Variants in ATR observed in about 807,000 individuals in gnomAD.
ATR encodes the protein serine/threonine-protein kinase ATR.
A neutral mutation model predicts 305.3 loss-of-function variants in ATR; 142 were observed. The ratio of observed to expected loss-of-function variants is 0.47; its 90% confidence interval spans 0.41 to 0.53. The LOEUF (loss-of-function observed/expected upper bound fraction) is 0.53, where lower values mean the gene tolerates loss of function less well. ATR is among the 20% of genes least tolerant of loss of function. The pLI, the probability that ATR is intolerant of heterozygous loss-of-function variation, is 0.00. For synonymous variants in ATR, 1,050 were observed against 1,068.1 expected (o/e 0.98, Z 0.33); for missense variants, 2,135 against 3,133.1 (o/e 0.68, Z 7.60).
At chr3:142,502,259 T>C (rs918659345) in intron 30 of ATR, among the ~76,000 whole-genome samples, 2 of 152,136 alleles carry the variant, frequency 1.3e-5, no homozygotes, top group Non-Finnish European at 2.9e-5. Flanking sequence ...AAAAGATACA[T>C]ACACTCGTAT....
At chr3:142,551,163 G>A (rs576462615) in intron 13 of ATR, among the ~76,000 whole-genome samples, 59 of 152,300 alleles carry the variant, frequency 3.9e-4, no homozygotes, top group African/African-American at 1.0e-3. Context: ...AGTAATCCCA[G>A]CACTTTCAGA....
intron 36 of ATR, among the ~76,000 whole-genome samples, chr3:142,483,113 C>T (rs2030647349): frequency 6.6e-6 from 1 of 151,290 alleles, no homozygotes; most frequent in African/African-American, 2.4e-5. Context: ...TCAGGTAATC[C>T]TCCCACCTCA....
Position 142,511,655 on chromosome 3 carries a change from C to CA in ATR, c.4852+604dup, listed in dbSNP as rs200672584. The stretch of plus-strand genomic sequence containing the variant: ...TGGGCAACAGAGCAAGACTCCATCT[C>CA]AAAAAAAAATTAATAAATAAAAATA... On this transcript the variant is annotated intron_variant, in intron 27 of 46. Transcript: ENST00000350721. Among the ~76,000 whole-genome samples, 398 of 147,742 alleles carry CA rather than the reference C, an allele frequency of 2.7e-3. 4 individuals are homozygous for CA. The highest frequency in any genetic ancestry group is 9.2e-3 in the African/African-American group (370 of 40,152).
At chr3:142,575,235 G>A (rs1213228381) in intron 1 of ATR, among the ~76,000 whole-genome samples, 4 of 151,982 alleles carry the variant, frequency 2.6e-5, no homozygotes, top group African/African-American at 4.8e-5. Flanking sequence ...GGCTCATTCA[G>A]CCTTGGCATG....
intron 21 of ATR, among the ~76,000 whole-genome samples, chr3:142,526,606 G>A (rs539138508): frequency 9.2e-5 from 14 of 151,934 alleles, no homozygotes; most frequent in African/African-American, 3.4e-4. Flanking sequence ...GTTTTCTTGA[G>A]TGTTTTCATT....
At chr3:142,559,696 G>C (rs1431758845) in intron 6 of ATR, among the ~76,000 whole-genome samples, 1 of 152,244 alleles carries the variant, frequency 6.6e-6, no homozygotes, top group South Asian at 2.1e-4. Context: ...TTGAGCCCAG[G>C]AGTTTGAGAC....
chr3:142,528,100 T>C (rs766559715), intron 21 of ATR, among the ~76,000 whole-genome samples: 2 of 152,230 alleles, frequency 1.3e-5, no homozygotes, highest in Non-Finnish European at 2.9e-5. Flanking sequence ...TTGTAGTACT[T>C]TGTTATAGCA....
Position 142,553,866 on chromosome 3 carries a change from T to A in ATR, c.2491A>T (p.Ile831Leu). The part of the protein sequence containing the change: ...RVAFSGNIKH[I>L]LESLDSEDGF... The stretch of plus-strand genomic sequence containing the variant: ...TCTTCAGAGTCCAAGGATTCCAATA[T>A]GTGCTTGATATTTCCACTAAAAGCC... Residue 831 changes from isoleucine to leucine, a missense_variant, in exon 11 of 47, where the codon ATA becomes TTA. Ile to Leu is a conservative substitution (Grantham distance 5). Around this residue, in one of 9 missense-constraint regions of ATR, gnomAD observed 530 missense variants for 766.8 expected, o/e 0.69. Coordinates refer to ENST00000350721, the MANE Select transcript of ATR (RefSeq NM_001184.4). The A allele has an allele frequency of 6.2e-7, 1 of 1,613,674 alleles. No individual in the cohort carries two copies. Among genetic ancestry groups the A allele is most frequent in the Non-Finnish European group, 8.5e-7 (1 of 1,179,768 alleles).
At chr3:142,558,909 T>C (rs1206044674) in intron 7 of ATR, 133 bp from the exon 8 acceptor site, 4 of 937,614 alleles carry the variant, frequency 4.3e-6, no homozygotes, top group Non-Finnish European at 6.4e-6. Context: ...CAGAGATCTA[T>C]AAACGATGGT....
chr3:142,542,852 C>G, intron 16 of ATR, 95 bp from the exon 17 acceptor site: 10 of 1,035,446 alleles, frequency 9.7e-6, no homozygotes, highest in African/African-American at 3.2e-5. Flanking sequence ...TTATATTTTA[C>G]CTAACTAGAT....
intron 36 of ATR, among the ~76,000 whole-genome samples, chr3:142,483,748 C>T (rs567100670): frequency 6.6e-6 from 1 of 152,062 alleles, no homozygotes; most frequent in Admixed American, 6.6e-5. Context: ...GAGCCAGAGT[C>T]GCTTGAACCT....
intron 28 of ATR, among the ~76,000 whole-genome samples, chr3:142,506,374 T>C (rs977073693): frequency 1.3e-5 from 2 of 152,102 alleles, no homozygotes; most frequent in Non-Finnish European, 2.9e-5. Context: ...AGATTGAATT[T>C]TGACAGGAAG....
At chr3:142,513,061 A>G (rs909234964) in intron 26 of ATR, among the ~76,000 whole-genome samples, 6 of 152,228 alleles carry the variant, frequency 3.9e-5, no homozygotes, top group Non-Finnish European at 8.8e-5. Context: ...ATTTCACACT[A>G]TATGCAAAAT....
intron 21 of ATR, among the ~76,000 whole-genome samples, chr3:142,534,733 T>G (rs2033791971): frequency 6.6e-6 from 1 of 152,190 alleles, no homozygotes; most frequent in Non-Finnish European, 1.5e-5. Flanking sequence ...ATAGTAAAAT[T>G]GCTGACATTT....
chr3:142,513,112 G>T (rs923387723), intron 26 of ATR, among the ~76,000 whole-genome samples: 1 of 151,932 alleles, frequency 6.6e-6, no homozygotes, highest in East Asian at 1.9e-4. Flanking sequence ...AAAACAGAAG[G>T]ATTAAAAGAA....
chr3:142,452,451 G>C lies in ATR; in HGVS notation c.7761+677C>G, dbSNP rs78802135. 19,166 of 947,736 alleles carry C rather than the reference G, an allele frequency of 0.02. 2,890 individuals are homozygous for C. In the African/African-American group the frequency reaches 0.31, roughly 16 times the overall value. The allele number at this position is 947,736 out of a possible 1,614,324, so 58.7% of individuals were successfully genotyped here. On this transcript the variant is annotated intron_variant, in intron 46 of 46. Coordinates refer to ENST00000350721, the MANE Select transcript of ATR (RefSeq NM_001184.4). ...GCATTTTGGGATGCTGAGGTGGGTG[G>C]ATCACTTGAAGCCAGGGGTTCAAGA...
chr3:142,475,250 C>A (rs2071406248), intron 36 of ATR, among the ~76,000 whole-genome samples: 2 of 152,096 alleles, frequency 1.3e-5, no homozygotes, highest in South Asian at 2.1e-4. Flanking sequence ...CCTCCCCCAG[C>A]CCCTCACCCC....
intron 1 of ATR, among the ~76,000 whole-genome samples, chr3:142,576,347 A>G (rs1001306712): frequency 8.1e-4 from 124 of 152,216 alleles, no homozygotes; most frequent in African/African-American, 2.8e-3. Flanking sequence ...AACCTAATAT[A>G]TATCTCCGAT....
At chr3:142,506,057 T>A (rs1466000309) in intron 28 of ATR, among the ~76,000 whole-genome samples, 1 of 152,204 alleles carries the variant, frequency 6.6e-6, no homozygotes, top group Non-Finnish European at 1.5e-5. Context: ...TGGTAACATG[T>A]GGCCACCAAT....
Sources: allele counts gnomAD v4.1 joint callset (sites outside exome capture counted in the v4.1 genomes callset), GRCh38; gene constraint gnomAD v4.1.1; regional missense constraint gnomAD v4.1.1; transcripts MANE v1.5; gene names NCBI Gene and HGNC (gene_info 2026-07-23, HGNC 2026-07-21).